Variants in SNRPG observed in about 807,000 individuals in gnomAD.
SNRPG encodes the protein small nuclear ribonucleoprotein G.
SNRPG carries 3 observed loss-of-function variants against 13.9 expected under a neutral mutation model. That is an observed-to-expected ratio of 0.22 (90% confidence interval 0.10 to 0.56). SNRPG has a LOEUF of 0.56. SNRPG is among the 20% of genes least tolerant of loss of function. SNRPG has a pLI of 0.93. For missense variants in SNRPG, 34 were observed against 96.1 expected (o/e 0.35, Z 2.70); for synonymous variants, 29 against 29.3 (o/e 0.99, Z 0.03).
At chr2:70,285,301 C>T (rs1325987255) in intron 3 of SNRPG, among the ~76,000 whole-genome samples, 2 of 152,098 alleles carry the variant, frequency 1.3e-5, no homozygotes, top group East Asian at 1.9e-4. Context: ...TGGCCAGGCG[C>T]GGTGGCTCAC....
chr2:70,283,671 CAGAAT>C (rs927283964), intron 3 of SNRPG, among the ~76,000 whole-genome samples: 15 of 152,088 alleles, frequency 9.9e-5, no homozygotes, highest in African/African-American at 3.6e-4. Context: ...CTGCAGCTGA[CAGAAT>C]AGAAGGGAAC....
chr2:70,290,820 T>A (rs1697067680), intron 1 of SNRPG, among the ~76,000 whole-genome samples: 1 of 64,912 alleles, frequency 1.5e-5, no homozygotes, highest in African/African-American at 7.2e-5. Flanking sequence ...AACCCGTCTC[T>A]ACTAAAAAAA....
At chr2:70,291,488 G>A (rs1697095903) in intron 1 of SNRPG, among the ~76,000 whole-genome samples, 1 of 152,122 alleles carries the variant, frequency 6.6e-6, no homozygotes, top group African/African-American at 2.4e-5. Flanking sequence ...TTGTATTGTT[G>A]GGGGCAGTCG....
intron 2 of SNRPG, 72 bp from the exon 3 acceptor site, chr2:70,288,264 G>T: frequency 7.7e-7 from 1 of 1,296,864 alleles, no homozygotes; most frequent in Non-Finnish European, 1.1e-6. Flanking sequence ...AAAATCAGGT[G>T]GGATAAAACA....
intron 2 of SNRPG, among the ~76,000 whole-genome samples, chr2:70,288,695 A>T (rs1373284036): frequency 6.6e-6 from 1 of 152,204 alleles, no homozygotes. Context: ...TCAGATTTTT[A>T]GATAAATTGA....
At chr2:70,293,111 G>C (rs1697144834) in intron 1 of SNRPG, 1 of 702,228 alleles carries the variant, frequency 1.4e-6, no homozygotes, top group Non-Finnish European at 2.6e-6. Flanking sequence ...AAGAAGGCAA[G>C]AAAAAGGAAT....
At position 70,293,715 on chromosome 2, in the gene SNRPG, T is replaced by A; in HGVS notation, c.-66A>T. ...CGCACGGCTTTCCTCACGCTCCCGCTGTAGGCCCGGCGTCTTGCGTCTGGC... is the reference window on the plus strand; with the variant it reads ...CGCACGGCTTTCCTCACGCTCCCGCAGTAGGCCCGGCGTCTTGCGTCTGGC... On this transcript the variant is annotated 5_prime_UTR_variant, in exon 1 of 4. Coordinates refer to ENST00000272348, the MANE Select transcript of SNRPG (RefSeq NM_003096.4). The A allele has an allele frequency of 6.7e-7, 1 of 1,491,048 alleles. No homozygotes were observed. 92.4% of individuals were successfully genotyped at this position (1,491,048 alleles called of 1,614,324 possible).
At chr2:70,288,855 GTTAAA>G (rs943364278) in intron 2 of SNRPG, among the ~76,000 whole-genome samples, 2 of 99,656 alleles carry the variant, frequency 2.0e-5, no homozygotes, top group African/African-American at 5.6e-5. Flanking sequence ...CTGAAGTGCT[GTTAAA>G]TTAATTATCA....
Position 70,281,466 on chromosome 2 carries a change from A to C in SNRPG, c.*168T>G. 2.3e-6 allele frequency: 1 copy of C among 429,176 alleles called. No individual in the cohort carries two copies. Among genetic ancestry groups the C allele is most frequent in the Non-Finnish European group, 4.3e-6 (1 of 234,424 alleles). 26.6% of individuals were successfully genotyped at this position (429,176 alleles called of 1,614,324 possible). ...ATTCATGTTAGAAAAAACTGGAATGAGAGCTGATATTCTATATTCAGAACA... is the reference window on the plus strand; with the variant it reads ...ATTCATGTTAGAAAAAACTGGAATGCGAGCTGATATTCTATATTCAGAACA... On this transcript the variant is annotated 3_prime_UTR_variant, in exon 4 of 4. Transcript: ENST00000272348.
At position 70,293,685 on chromosome 2, in the gene SNRPG, C is replaced by T. The variant is rs745331803; in HGVS notation, c.-36G>A. 22 of 1,606,444 alleles carry T rather than the reference C, an allele frequency of 1.4e-5. No homozygotes were observed. The East Asian group carries it at 4.0e-4, about 29-fold the overall frequency. On this transcript the variant is annotated 5_prime_UTR_variant, in exon 1 of 4. Transcript: ENST00000272348. ...CCGCGGGCTCACAGATGCCTTGGAACGCAACGCACGGCTTTCCTCACGCTC... is the reference window on the plus strand; with the variant it reads ...CCGCGGGCTCACAGATGCCTTGGAATGCAACGCACGGCTTTCCTCACGCTC...
At chr2:70,284,740 C>G (rs1259216354) in intron 3 of SNRPG, among the ~76,000 whole-genome samples, 1 of 152,132 alleles carries the variant, frequency 6.6e-6, no homozygotes, top group Admixed American at 6.5e-5. Flanking sequence ...TTGAACATCA[C>G]ATCTCATTGA....
Position 70,293,725 on chromosome 2 carries a change from G to T in SNRPG, c.-76C>A. The T allele has an allele frequency of 3.6e-6, 5 of 1,381,672 alleles. No individual in the cohort carries two copies. Among genetic ancestry groups the T allele is most frequent in the Non-Finnish European group, 5.2e-6 (5 of 968,268 alleles). 85.6% of individuals were successfully genotyped at this position (1,381,672 alleles called of 1,614,324 possible). A position where few individuals can be genotyped will look rare whatever the true frequency, so the allele number is the denominator to read the frequency against. ...TCCTCACGCTCCCGCTGTAGGCCCG[G>T]CGTCTTGCGTCTGGCGTCATCGACC... On this transcript the variant is annotated 5_prime_UTR_variant, in exon 1 of 4. Coordinates refer to ENST00000272348, the MANE Select transcript of SNRPG (RefSeq NM_003096.4).
Position 70,291,020 on chromosome 2 carries a change from C to CAA in SNRPG, c.33-1649_33-1648insTT, listed in dbSNP as rs1378786274. Among the ~76,000 whole-genome samples, 64 of 84,364 alleles carry CAA rather than the reference C, an allele frequency of 7.6e-4. 1 individual carries two copies. The South Asian group carries it at 9.2e-3, about 12-fold the overall frequency. 55.3% of individuals were successfully genotyped at this position (84,364 alleles called of 152,430 possible). A position where few individuals can be genotyped will look rare whatever the true frequency, so the allele number is the denominator to read the frequency against. On this transcript the variant is annotated intron_variant, in intron 1 of 3. Transcript: ENST00000272348. ...GAGTGAAACTCCATCTCAAAACACA[C>CAA]ACACACACACACACACACACACACA...
chr2:70,288,063 C>T lies in SNRPG; in HGVS notation c.180+5G>A. 1.2e-6 allele frequency: 2 copies of T among 1,611,166 alleles called. No homozygotes were observed. The highest frequency in any genetic ancestry group is 1.7e-5 in the Admixed American group (1 of 60,006). ...CTCCAAGAGAACTCTTGTATCTTTA[C>T]TTACCACCATTCCAATATTGTTCTG... On this transcript the variant is annotated splice_donor_5th_base_variant and intron_variant, in intron 3 of 3. Transcript: ENST00000272348.
chr2:70,291,058 C>CAT (rs778482328), intron 1 of SNRPG, among the ~76,000 whole-genome samples: 7 of 136,128 alleles, frequency 5.1e-5, no homozygotes, highest in African/African-American at 8.5e-5. Context: ...CACACACACA[C>CAT]ATATATGAAG....
intron 2 of SNRPG, 76 bp downstream of exon 2, chr2:70,289,274 G>T: frequency 2.4e-6 from 2 of 846,676 alleles, no homozygotes; most frequent in Non-Finnish European, 1.9e-6. Context: ...TTATAAAGTT[G>T]CTCCAAACAT....
intron 1 of SNRPG, 135 bp from the exon 2 acceptor site, chr2:70,289,507 T>C: frequency 3.6e-6 from 2 of 562,092 alleles, no homozygotes; most frequent in Non-Finnish European, 6.5e-6. Flanking sequence ...GTAAAAATAA[T>C]GTATTGCTGT....
intron 3 of SNRPG, chr2:70,287,663 CA>C (rs1329032676): frequency 7.2e-6 from 3 of 419,404 alleles, no homozygotes; most frequent in Non-Finnish European, 1.3e-5. Context: ...CTGCATTAGG[CA>C]TTAGTAGAAA....
At chr2:70,291,575 A>G (rs936084475) in intron 1 of SNRPG, among the ~76,000 whole-genome samples, 1 of 152,156 alleles carries the variant, frequency 6.6e-6, no homozygotes, top group East Asian at 1.9e-4. Flanking sequence ...CCTACTCCCC[A>G]TTTAAGAACA....
Sources: allele counts gnomAD v4.1 joint callset (sites outside exome capture counted in the v4.1 genomes callset), GRCh38; gene constraint gnomAD v4.1.1; transcripts MANE v1.5; gene names NCBI Gene and HGNC (gene_info 2026-07-23, HGNC 2026-07-21).